NAALADL2: variants seen among roughly 807,000 people sequenced by gnomAD.
The protein encoded by NAALADL2 is N-acetylated alpha-linked acidic dipeptidase like 2, also known as inactive N-acetylated-alpha-linked acidic dipeptidase-like protein 2.
Under a neutral mutation model 87.2 loss-of-function variants are expected in NAALADL2, and 76 were observed. That is an observed-to-expected ratio of 0.87 (90% CI 0.72 to 1.05). The LOEUF (loss-of-function observed/expected upper bound fraction) is 1.05, where lower values mean the gene tolerates loss of function less well. Among genes scored for constraint, NAALADL2 ranks in the 50% least tolerant of loss-of-function variants. The probability of loss-of-function intolerance (pLI) is 0.00; values close to 1 mark genes in which losing one functional copy is unlikely to be tolerated. For synonymous variants in NAALADL2, 354 were observed against 331.0 expected, an observed-to-expected ratio of 1.07 and a Z score of -0.75; for missense variants, 1,089 against 945.8, an observed-to-expected ratio of 1.15 and a Z score of -1.99.
At chr3:175,722,404 C>A (rs1257774378) in intron 11 of NAALADL2, among the ~76,000 whole-genome samples, 2 of 152,020 alleles carry the variant, frequency 1.3e-5, no homozygotes, top group Non-Finnish European at 2.9e-5. Context: ...GATAATAAAA[C>A]CCAGGCACCT....
Position 174,469,005 on chromosome 3 carries a change from C to T in NAALADL2, c.-184+27973C>T, listed in dbSNP as rs1053771580. Among the ~76,000 whole-genome samples, 5 of 149,106 alleles carry T rather than the reference C, an allele frequency of 3.4e-5. No individual in the cohort carries two copies. In the East Asian group the frequency reaches 1.0e-3, roughly 31 times the overall value. Reference sequence around the variant, plus strand: ...TTCGAAGTCCTGATCTCAGGTGATCCGCCCGCCCTGGCCTCCCAAAGTGCT... The same window carrying T: ...TTCGAAGTCCTGATCTCAGGTGATCTGCCCGCCCTGGCCTCCCAAAGTGCT... On this transcript the variant is annotated intron_variant, in intron 1 of 3. Transcript: ENST00000434257.
At chr3:174,802,593 A>T (rs1383806167) in intron 3 of NAALADL2, among the ~76,000 whole-genome samples, 1 of 152,122 alleles carries the variant, frequency 6.6e-6, no homozygotes, top group Non-Finnish European at 1.5e-5. Context: ...TCAATTCGTC[A>T]TTGACGTTAA....
At chr3:175,324,362 A>G in intron 5 of NAALADL2, 37 bp downstream of exon 5, 1 of 1,529,320 alleles carries the variant, frequency 6.5e-7, no homozygotes, top group Non-Finnish European at 8.8e-7. Context: ...ACTTGTAAGT[A>G]AGCATTACAA....
chr3:174,783,413 T>C (rs913261885), intron 3 of NAALADL2, among the ~76,000 whole-genome samples: 9 of 152,156 alleles, frequency 5.9e-5, no homozygotes. Context: ...TGTTTCAGAA[T>C]TGATGGGGTA....
At chr3:175,558,482 C>T (rs1051908637) in intron 9 of NAALADL2, among the ~76,000 whole-genome samples, 3 of 152,092 alleles carry the variant, frequency 2.0e-5, no homozygotes, top group African/African-American at 4.8e-5. Context: ...GTGTATTACT[C>T]AAGATATCTT....
Position 175,803,398 on chromosome 3 carries a change from C to T in NAALADL2, c.*195C>T, listed in dbSNP as rs1754425041. 2 of 392,398 alleles carry T rather than the reference C, an allele frequency of 5.1e-6. No individual in the cohort carries two copies. Among genetic ancestry groups the T allele is most frequent in the African/African-American group, 4.1e-5 (2 of 48,502 alleles). The allele number at this position is 392,398 out of a possible 1,614,324, so 24.3% of individuals were successfully genotyped here. On this transcript the variant is annotated 3_prime_UTR_variant, in exon 14 of 14. Coordinates refer to ENST00000454872, the MANE Select transcript of NAALADL2 (RefSeq NM_207015.3). Reference sequence around the variant, plus strand: ...ACATTTAATATTTTTCTTATATCTACATTTCTGAATATGTAAAGCAAGTTA... The same window carrying T: ...ACATTTAATATTTTTCTTATATCTATATTTCTGAATATGTAAAGCAAGTTA...
intron 5 of NAALADL2, among the ~76,000 whole-genome samples, chr3:175,410,329 A>G (rs1430149819): frequency 3.3e-5 from 5 of 152,208 alleles, no homozygotes; most frequent in South Asian, 2.1e-4. Flanking sequence ...AAAGTTGTTT[A>G]TCTTTTGAAA....
intron 9 of NAALADL2, among the ~76,000 whole-genome samples, chr3:175,475,864 T>C (rs1725628801): frequency 6.6e-6 from 1 of 152,086 alleles, no homozygotes; most frequent in Non-Finnish European, 1.5e-5. Context: ...CCTATAGGCA[T>C]GCACCACCAT....
intron 2 of NAALADL2, among the ~76,000 whole-genome samples, chr3:175,233,279 C>T (rs1462437921): frequency 6.6e-6 from 1 of 152,038 alleles, no homozygotes; most frequent in Non-Finnish European, 1.5e-5. Context: ...AAAGAAATGT[C>T]TCAACTGGAA....
intron 5 of NAALADL2, among the ~76,000 whole-genome samples, chr3:175,411,210 C>T (rs1054661651): frequency 2.6e-5 from 4 of 151,962 alleles, no homozygotes; most frequent in Non-Finnish European, 5.9e-5. Context: ...AGGAGGTGGC[C>T]TATAATTTAC....
At chr3:175,081,519 A>G (rs1389521245) in intron 1 of NAALADL2, among the ~76,000 whole-genome samples, 2 of 152,162 alleles carry the variant, frequency 1.3e-5, no homozygotes, top group African/African-American at 2.4e-5. Context: ...GGAATGACAT[A>G]TGAAGACCCC....
chr3:175,377,777 A>G lies in NAALADL2; in HGVS notation c.1090+53452A>G, dbSNP rs538923178. Reference sequence around the variant, plus strand: ...GCTGGACATCAGAGACTATGTCTGGACATTAGAAAGAAGCAGCTTGACTTC... The same window carrying G: ...GCTGGACATCAGAGACTATGTCTGGGCATTAGAAAGAAGCAGCTTGACTTC... On this transcript the variant is annotated intron_variant, in intron 5 of 13. Coordinates refer to ENST00000454872, the MANE Select transcript of NAALADL2 (RefSeq NM_207015.3). Among the ~76,000 whole-genome samples the G allele has an allele frequency of 2.0e-4, 31 of 152,324 alleles. 1 individual carries two copies. In the South Asian group the frequency reaches 6.2e-3, roughly 31 times the overall value.
intron 2 of NAALADL2, among the ~76,000 whole-genome samples, chr3:175,212,900 A>G (rs888209602): frequency 9.2e-5 from 14 of 152,152 alleles, no homozygotes; most frequent in African/African-American, 3.4e-4. Context: ...TGCAGGACAG[A>G]GTTTAGAGTT....
rs543071606 is a variant in NAALADL2 at position 174,983,336 on chromosome 3, G to A, written c.44-113454G>A. On this transcript the variant is annotated intron_variant, in intron 1 of 13. Transcript: ENST00000454872. The stretch of plus-strand genomic sequence containing the variant: ...CTATAGGGGTGGTCTCTGATACCTG[G>A]TCCTGGTGATTTATGGCAGGGGAAA... Among the ~76,000 whole-genome samples, 5 of 152,244 alleles carry A rather than the reference G, an allele frequency of 3.3e-5. 1 individual carries two copies. In the East Asian group the frequency reaches 9.7e-4, roughly 29 times the overall value.
chr3:175,258,654 A>G (rs748479554), intron 4 of NAALADL2, among the ~76,000 whole-genome samples: 1 of 152,080 alleles, frequency 6.6e-6, no homozygotes, highest in South Asian at 2.1e-4. Flanking sequence ...TTTTATGAAG[A>G]GGAATTTTGG....
chr3:175,520,608 A>G (rs1160823857), intron 9 of NAALADL2, among the ~76,000 whole-genome samples: 1 of 152,142 alleles, frequency 6.6e-6, no homozygotes, highest in Admixed American at 6.5e-5. Context: ...CAAGAATGCA[A>G]TTTAAGATGG....
chr3:174,488,751 A>C (rs577499753), intron 1 of NAALADL2, among the ~76,000 whole-genome samples: 1 of 151,948 alleles, frequency 6.6e-6, no homozygotes, highest in African/African-American at 2.4e-5. Flanking sequence ...TTGGATCTAA[A>C]CCCTGTACTA....
intron 4 of NAALADL2, among the ~76,000 whole-genome samples, chr3:175,318,989 T>C (rs1759500761): frequency 6.6e-6 from 1 of 152,216 alleles, no homozygotes; most frequent in Admixed American, 6.5e-5. Context: ...TTTTTATATA[T>C]TCTTCTATAG....
At chr3:174,693,746 T>C (rs1477830236) in intron 2 of NAALADL2, among the ~76,000 whole-genome samples, 2 of 152,072 alleles carry the variant, frequency 1.3e-5, no homozygotes, top group Admixed American at 1.3e-4. Context: ...GGAGGAAAGT[T>C]TAAAAGTTAA....
Sources: gnomAD v4.1 joint callset for allele counts (sites outside exome capture counted in the v4.1 genomes callset) on GRCh38, gnomAD v4.1.1 for gene constraint, MANE v1.5 for transcripts, NCBI Gene and HGNC (gene_info 2026-07-23, HGNC 2026-07-21) for gene names.